LCP1: variants seen among roughly 807,000 people sequenced by gnomAD.
LCP1 encodes the protein plastin-2.
In LCP1, 23 loss-of-function variants were observed where a neutral mutation model predicts 72.0. That is an observed-to-expected ratio of 0.32 (90% CI 0.23 to 0.45). The LOEUF is 0.45. LCP1 is among the 20% of genes least tolerant of loss of function. LCP1 has a pLI of 1.00. For synonymous variants in LCP1, 245 were observed against 275.4 expected, an observed-to-expected ratio of 0.89 and a Z score of 1.09; for missense variants, 571 against 748.3, an observed-to-expected ratio of 0.76 and a Z score of 2.76.
rs139539324 is a variant in LCP1, at chr13:46,164,013, T to C, written c.-24-4327A>G. Among the ~76,000 whole-genome samples the C allele has an allele frequency of 7.9e-3, 1,200 of 152,356 alleles. 7 individuals carry two copies. The highest frequency in any genetic ancestry group is 0.012 in the Non-Finnish European group (840 of 68,036). ...ATTCATTCATTTAACAAATATTTTA[T>C]GAATGCCTACTATAAGCCAGGTGCT... On this transcript the variant is annotated intron_variant, in intron 1 of 15. Transcript: ENST00000323076.
intron 10 of LCP1, among the ~76,000 whole-genome samples, chr13:46,145,264 CAG>C (rs1400277614): frequency 6.6e-6 from 1 of 152,242 alleles, no homozygotes; most frequent in East Asian, 1.9e-4. Flanking sequence ...ATAATAAAAT[CAG>C]TACCGGGATG....
chr13:46,129,952 C>T (rs896048079), intron 15 of LCP1, among the ~76,000 whole-genome samples: 4 of 152,102 alleles, frequency 2.6e-5, no homozygotes, highest in Non-Finnish European at 2.9e-5. Context: ...GGAAGACAGC[C>T]GTGTGAAGTC....
At chr13:46,131,897 T>C (rs553931686) in intron 14 of LCP1, among the ~76,000 whole-genome samples, 1 of 152,098 alleles carries the variant, frequency 6.6e-6, no homozygotes, top group South Asian at 2.1e-4. Context: ...AAACCACCTG[T>C]TCAGCACTAT....
In LCP1 at chr13:46,164,340, A is replaced by AT. The variant is rs890841910; in HGVS notation, c.-24-4655dup. ...TCTAAAGATCATGGTATAATGGGAA[A>AT]TTTTTTTTACCATAAAAATTGCAGT... is the stretch of plus-strand genomic sequence containing the variant. On this transcript the variant is annotated intron_variant, in intron 1 of 15. Coordinates refer to ENST00000323076, the MANE Select transcript of LCP1 (RefSeq NM_002298.5). Among the ~76,000 whole-genome samples, 4 of 152,240 alleles carry AT rather than the reference A, an allele frequency of 2.6e-5. No homozygotes were observed. The South Asian group carries it at 6.2e-4, about 24-fold the overall frequency.
intron 1 of LCP1, among the ~76,000 whole-genome samples, chr13:46,168,921 C>T (rs1033354922): frequency 6.6e-6 from 1 of 152,182 alleles, no homozygotes; most frequent in Non-Finnish European, 1.5e-5. Context: ...TTCTCCAAAT[C>T]TTTCATAGTT....
intron 1 of LCP1, among the ~76,000 whole-genome samples, chr13:46,165,985 C>T (rs1361909171): frequency 6.6e-6 from 1 of 152,034 alleles, no homozygotes; most frequent in Non-Finnish European, 1.5e-5. Context: ...CCACCTCAAA[C>T]TGCAAAAGCC....
chr13:46,147,155 A>G, intron 9 of LCP1, 52 bp from the exon 10 acceptor site: 1 of 1,419,772 alleles, frequency 7.0e-7, no homozygotes, highest in South Asian at 1.4e-5. Flanking sequence ...CCATGCACAA[A>G]GCAGATTGCA....
chr13:46,149,487 A>C lies in LCP1; in HGVS notation c.883-1040T>G, dbSNP rs185825796. Among the ~76,000 whole-genome samples, 1,141 of 152,340 alleles carry C rather than the reference A, an allele frequency of 7.5e-3. 10 individuals are homozygous for C. Among genetic ancestry groups the C allele is most frequent in the Middle Eastern group, 0.051 (15 of 292 alleles). On this transcript the variant is annotated intron_variant, in intron 8 of 15. Transcript: ENST00000323076. ...GTTACATCTTTTTAGTTTGGCTAAG[A>C]GTAACCTCATTTCACCTGACTCTCA...
intron 13 of LCP1, among the ~76,000 whole-genome samples, chr13:46,135,836 G>T (rs982490236): frequency 6.6e-6 from 1 of 150,780 alleles, no homozygotes; most frequent in African/African-American, 2.4e-5. Context: ...TATGGTCATG[G>T]CTCACTGCGC....
chr13:46,152,582 T>C (rs995265086), intron 7 of LCP1, among the ~76,000 whole-genome samples, 198 bp downstream of exon 7: 6 of 152,256 alleles, frequency 3.9e-5, no homozygotes, highest in Admixed American at 3.3e-4. Context: ...TGTTAGTCTA[T>C]GGTCTTAAAA....
At chr13:46,172,499 G>GAAAGA (rs1338143508) in intron 1 of LCP1, among the ~76,000 whole-genome samples, 1 of 151,896 alleles carries the variant, frequency 6.6e-6, no homozygotes, top group African/African-American at 2.4e-5. Flanking sequence ...AAAAAAGGAA[G>GAAAGA]AAAGAAAAGA....
At chr13:46,156,357 G>T in intron 5 of LCP1, 81 bp downstream of exon 5, 2 of 1,544,564 alleles carry the variant, frequency 1.3e-6, no homozygotes, top group Non-Finnish European at 1.8e-6. Flanking sequence ...AACAAAGTTG[G>T]CCTACGATAA....
At chr13:46,179,222 T>TC (rs1283771266) in intron 1 of LCP1, among the ~76,000 whole-genome samples, 1 of 152,208 alleles carries the variant, frequency 6.6e-6, no homozygotes, top group Non-Finnish European at 1.5e-5. Context: ...GAAGCTAAAA[T>TC]GAGACTAGGG....
intron 7 of LCP1, among the ~76,000 whole-genome samples, chr13:46,151,594 C>G (rs1210721306): frequency 6.6e-6 from 1 of 152,150 alleles, no homozygotes; most frequent in African/African-American, 2.4e-5. Context: ...TTTTTTTGCT[C>G]AGCTAGAAGG....
At chr13:46,180,224 T>C (rs1203298762) in intron 1 of LCP1, among the ~76,000 whole-genome samples, 2 of 152,188 alleles carry the variant, frequency 1.3e-5, no homozygotes, top group African/African-American at 4.8e-5. Context: ...TCTAGCCCAT[T>C]CCTTATCTCT....
intron 11 of LCP1, 117 bp from the exon 12 acceptor site, chr13:46,143,521 C>T (rs974743088): frequency 1.5e-6 from 1 of 650,040 alleles, no homozygotes; most frequent in African/African-American, 1.8e-5. Flanking sequence ...ACCCTGCACA[C>T]TTGGTAGTCG....
intron 4 of LCP1, among the ~76,000 whole-genome samples, chr13:46,157,600 T>C (rs7995734): frequency 0.26 from 39,074 of 152,018 alleles, 6,335 homozygotes; most frequent in African/African-American, 0.44. Context: ...GTTTGGGAAA[T>C]ACTGTGTAGT....
intron 8 of LCP1, among the ~76,000 whole-genome samples, chr13:46,149,580 A>G (rs1886039): frequency 0.95 from 144,720 of 152,264 alleles, 68,816 homozygotes; most frequent in African/African-American, 0.98. Context: ...ATTTAAAGAC[A>G]TCTCCCAAGG....
chr13:46,163,633 TAA>T (rs575609187), intron 1 of LCP1, among the ~76,000 whole-genome samples: 14 of 109,214 alleles, frequency 1.3e-4, no homozygotes, highest in Admixed American at 1.8e-4. Context: ...AATGATCAAT[TAA>T]AAAAAAAAAA....
Sources: gnomAD v4.1 joint callset for allele counts (sites outside exome capture counted in the v4.1 genomes callset) on GRCh38, gnomAD v4.1.1 for gene constraint, MANE v1.5 for transcripts, NCBI Gene and HGNC (gene_info 2026-07-23, HGNC 2026-07-21) for gene names.